The following RANBP17 variants were observed in gnomAD, a reference collection of about 807,000 sequenced individuals.
RANBP17 encodes the protein RAN binding protein 17.
In RANBP17, 158 loss-of-function variants were observed where a neutral mutation model predicts 141.2. That is an observed-to-expected ratio of 1.12 (90% CI 0.98 to 1.28). RANBP17 has a LOEUF of 1.28. RANBP17 is among the 50% of genes most tolerant of loss of function. The pLI, the probability that RANBP17 is intolerant of heterozygous loss-of-function variation, is 0.00. For synonymous variants in RANBP17, 430 were observed against 450.0 expected (o/e 0.96, Z 0.56); for missense variants, 1,438 against 1,290.7 (o/e 1.11, Z -1.75).
At chr5:171,010,840 T>C (rs547093260) in intron 14 of RANBP17, among the ~76,000 whole-genome samples, 3 of 152,154 alleles carry the variant, frequency 2.0e-5, no homozygotes, top group East Asian at 1.9e-4. Context: ...ACAGAACTTA[T>C]CAAAACTAGT....
chr5:171,285,522 C>T (rs1012976106), intron 25 of RANBP17, among the ~76,000 whole-genome samples: 1 of 152,174 alleles, frequency 6.6e-6, no homozygotes, highest in Non-Finnish European at 1.5e-5. Context: ...ATTTTTACAT[C>T]AAATCGAAAA....
At chr5:171,193,009 G>A (rs1222439900) in intron 18 of RANBP17, among the ~76,000 whole-genome samples, 1 of 152,256 alleles carries the variant, frequency 6.6e-6, no homozygotes, top group African/African-American at 2.4e-5. Context: ...TCTTAATGAA[G>A]CATTGGGAAA....
intron 14 of RANBP17, among the ~76,000 whole-genome samples, chr5:170,990,302 A>C (rs1236373688): frequency 2.0e-5 from 3 of 151,858 alleles, no homozygotes; most frequent in Non-Finnish European, 4.4e-5. Context: ...ATTTCTGCTT[A>C]TTTTATCAAA....
chr5:171,274,103 T>G (rs1039737537), intron 25 of RANBP17, among the ~76,000 whole-genome samples: 7 of 149,040 alleles, frequency 4.7e-5, no homozygotes, highest in African/African-American at 1.7e-4. Context: ...TAAAGTTTAG[T>G]TTGATCAAGT....
intron 14 of RANBP17, among the ~76,000 whole-genome samples, chr5:171,142,200 ATATTTTTAG>A (rs951077797): frequency 6.6e-6 from 1 of 152,142 alleles, no homozygotes; most frequent in Admixed American, 6.5e-5. Context: ...TCTGTGCTCT[ATATTTTTAG>A]TAGAATGTTT....
intron 22 of RANBP17, among the ~76,000 whole-genome samples, chr5:171,234,150 T>C (rs909425800): frequency 6.6e-6 from 1 of 152,086 alleles, no homozygotes. Flanking sequence ...ATTGAAAATA[T>C]GACATTTGAG....
At chr5:171,068,593 G>GTTT (rs1430944598) in intron 14 of RANBP17, among the ~76,000 whole-genome samples, 5 of 151,738 alleles carry the variant, frequency 3.3e-5, no homozygotes, top group Non-Finnish European at 5.9e-5. Context: ...TGTTGTTGTT[G>GTTT]TTGTTGTTGT....
chr5:171,088,595 T>C lies in RANBP17; in HGVS notation c.1711-81535T>C, dbSNP rs577365678. On this transcript the variant is annotated intron_variant, in intron 14 of 27. Coordinates refer to ENST00000523189, the MANE Select transcript of RANBP17 (RefSeq NM_022897.5). ...TTCCATTCTCCCCGTCACTTTCAGG[T>C]ACACCAATCAGACGTAGATTTGGTC... Among the ~76,000 whole-genome samples, 8 of 152,352 alleles carry C rather than the reference T, an allele frequency of 5.3e-5. No individual in the cohort carries two copies. In the East Asian group the frequency reaches 1.5e-3, roughly 29 times the overall value.
chr5:171,063,653 C>T (rs146497642), intron 14 of RANBP17, among the ~76,000 whole-genome samples: 2,559 of 152,376 alleles, frequency 0.017, 42 homozygotes, highest in Non-Finnish European at 0.023. Flanking sequence ...GTTCTCAGAT[C>T]TCAAACTGCA....
At chr5:171,153,919 C>T (rs1052361772) in intron 14 of RANBP17, among the ~76,000 whole-genome samples, 8 of 151,774 alleles carry the variant, frequency 5.3e-5, no homozygotes, top group Non-Finnish European at 7.4e-5. Flanking sequence ...CCCAGCTACT[C>T]GGGAGGGTGA....
intron 22 of RANBP17, among the ~76,000 whole-genome samples, chr5:171,230,074 GA>G (rs926981674): frequency 2.0e-5 from 3 of 151,526 alleles, no homozygotes; most frequent in African/African-American, 4.8e-5. Context: ...TCAAAAAAAA[GA>G]AAAAAAAGAA....
At chr5:170,941,656 A>T (rs1774334152) in intron 12 of RANBP17, among the ~76,000 whole-genome samples, 1 of 152,192 alleles carries the variant, frequency 6.6e-6, no homozygotes, top group Non-Finnish European at 1.5e-5. Context: ...CTGGCAGAAA[A>T]ACATAAATGG....
intron 14 of RANBP17, among the ~76,000 whole-genome samples, chr5:171,018,261 A>G (rs1192772854): frequency 6.6e-6 from 1 of 151,986 alleles, no homozygotes; most frequent in African/African-American, 2.4e-5. Context: ...TCTATATGAA[A>G]TTTAAAGTAG....
At chr5:170,955,648 GTATA>G (rs1159344330) in intron 13 of RANBP17, among the ~76,000 whole-genome samples, 373 of 21,688 alleles carry the variant, frequency 0.017, 31 homozygotes, top group African/African-American at 0.043. Context: ...TATGCTCAGT[GTATA>G]TATATATATA....
At chr5:171,084,548 C>G (rs1231363530) in intron 14 of RANBP17, among the ~76,000 whole-genome samples, 1 of 56,900 alleles carries the variant, frequency 1.8e-5, no homozygotes, top group African/African-American at 5.4e-5. Flanking sequence ...CTGACTTGCA[C>G]AATGGTTGAA....
At chr5:171,053,796 C>A (rs1384105566) in intron 14 of RANBP17, among the ~76,000 whole-genome samples, 1 of 148,522 alleles carries the variant, frequency 6.7e-6, no homozygotes, top group African/African-American at 2.5e-5. Context: ...TCTTGTTACT[C>A]ATCTTGGGGG....
At chr5:171,125,226 G>A (rs1481554124) in intron 14 of RANBP17, among the ~76,000 whole-genome samples, 1 of 150,486 alleles carries the variant, frequency 6.6e-6, no homozygotes, top group East Asian at 2.0e-4. Context: ...GAACCCAGTA[G>A]GTGGAGGTTG....
chr5:171,168,883 C>T (rs913184240), intron 14 of RANBP17, among the ~76,000 whole-genome samples: 1 of 151,984 alleles, frequency 6.6e-6, no homozygotes, highest in Non-Finnish European at 1.5e-5. Flanking sequence ...AGCTTCTGCT[C>T]TCCACCGTTC....
chr5:171,077,495 A>G (rs911621947), intron 14 of RANBP17, among the ~76,000 whole-genome samples: 3 of 152,208 alleles, frequency 2.0e-5, no homozygotes, highest in Non-Finnish European at 4.4e-5. Context: ...TGTTCAATAT[A>G]TACAAATTTA....
Sources: allele counts gnomAD v4.1 joint callset (sites outside exome capture counted in the v4.1 genomes callset), GRCh38; gene constraint gnomAD v4.1.1; transcripts MANE v1.5; gene names NCBI Gene and HGNC (gene_info 2026-07-23, HGNC 2026-07-21).